Variants in RPAP3 observed in about 807,000 individuals in gnomAD.
The protein encoded by RPAP3 is RNA polymerase II-associated protein 3.
Under a neutral mutation model 88.8 loss-of-function variants are expected in RPAP3, and 58 were observed. That is an observed-to-expected ratio of 0.65 (90% CI 0.53 to 0.81). The LOEUF (loss-of-function observed/expected upper bound fraction) is 0.81. Ranked by LOEUF, RPAP3 falls within the 40% of genes least tolerant of loss-of-function variation. RPAP3 has a pLI of 0.00. For synonymous variants in RPAP3, 255 were observed against 259.9 expected, an observed-to-expected ratio of 0.98 and a Z score of 0.18; for missense variants, 751 against 764.3, an observed-to-expected ratio of 0.98 and a Z score of 0.20.
intron 1 of RPAP3, among the ~76,000 whole-genome samples, chr12:47,704,931 A>G (rs1939750688): frequency 6.6e-6 from 1 of 151,264 alleles, no homozygotes. Flanking sequence ...GAGGATCGGG[A>G]GATCGAGGCC....
At chr12:47,704,557 T>C (rs192174756) in intron 1 of RPAP3, among the ~76,000 whole-genome samples, 1,755 of 151,338 alleles carry the variant, frequency 0.012, 28 homozygotes, top group African/African-American at 0.041. Flanking sequence ...TTTTTTTTTT[T>C]AGTAGAGACG....
chr12:47,700,590 G>C (rs1319922001), intron 3 of RPAP3, among the ~76,000 whole-genome samples: 3 of 152,196 alleles, frequency 2.0e-5, no homozygotes, highest in African/African-American at 7.2e-5. Flanking sequence ...GTGCAGAATA[G>C]GGCTGGCCAA....
intron 12 of RPAP3, among the ~76,000 whole-genome samples, chr12:47,670,562 T>C (rs74670967): frequency 0.038 from 5,753 of 152,212 alleles, 182 homozygotes; most frequent in Non-Finnish European, 0.062. Flanking sequence ...GAGAGACATG[T>C]ATACGTAAAT....
chr12:47,701,507 C>A lies in RPAP3; in HGVS notation c.251G>T (p.Arg84Met). The A allele has an allele frequency of 6.2e-7, 1 of 1,602,632 alleles. No homozygotes were observed. The highest frequency in any genetic ancestry group is 8.5e-7 in the Non-Finnish European group (1 of 1,175,460). ...KKTREENTKNRIKSYDYEAWA... is the reference protein window; with the variant it reads ...KKTREENTKNMIKSYDYEAWA... ...TGCCTCATAATCATAAGATTTTATC[C>A]TGTTTTTTGTGTTTTCCTCTCTGGT... Residue 84 changes from arginine to methionine, a missense_variant, in exon 3 of 17, where the codon AGG becomes ATG. By Grantham distance (91) the Arg-to-Met change is moderately conservative. Transcript: ENST00000005386.
At chr12:47,697,815 A>ACAATTTACATTC in intron 3 of RPAP3, 96 bp from the exon 4 acceptor site, 1 of 1,135,288 alleles carries the variant, frequency 8.8e-7, no homozygotes, top group Non-Finnish European at 1.3e-6. Flanking sequence ...AATGAATGTA[A>ACAATTTACATTC]ATTGTTACAA....
intron 5 of RPAP3, among the ~76,000 whole-genome samples, chr12:47,692,306 T>G (rs1200051809): frequency 6.6e-6 from 1 of 152,238 alleles, no homozygotes; most frequent in African/African-American, 2.4e-5. Flanking sequence ...AGAAGGCTGT[T>G]TAGTCAACAC....
intron 1 of RPAP3, among the ~76,000 whole-genome samples, chr12:47,703,215 G>A (rs1288951434): frequency 6.6e-6 from 1 of 152,130 alleles, no homozygotes; most frequent in Non-Finnish European, 1.5e-5. Flanking sequence ...CTATGTGAAA[G>A]GCCCTGAATC....
chr12:47,687,924 T>C lies in RPAP3; in HGVS notation c.816A>G (p.Gln272=), dbSNP rs1939356240. Residue 272 remains glutamine (Q), a synonymous_variant, in exon 8 of 17, where the codon CAA becomes CAG. Transcript: ENST00000005386. ...GCTGCTTATTCTGTTGTGCTTCAATTTGCTTTCGCTCTCCTTCTGTTGACT... is the reference window on the plus strand; with the variant it reads ...GCTGCTTATTCTGTTGTGCTTCAATCTGCTTTCGCTCTCCTTCTGTTGACT... ...VIKSTEGERK[Q]IEAQQNKQQA... 1 of 1,613,768 alleles carries C rather than the reference T, an allele frequency of 6.2e-7. No homozygotes were observed. Among genetic ancestry groups the C allele is most frequent in the Non-Finnish European group, 8.5e-7 (1 of 1,179,786 alleles).
chr12:47,690,824 G>A (rs1375335493), intron 5 of RPAP3, among the ~76,000 whole-genome samples, 185 bp from the exon 6 acceptor site: 1 of 152,154 alleles, frequency 6.6e-6, no homozygotes, highest in East Asian at 1.9e-4. Context: ...AAGATATTGT[G>A]GGTTTGATTC....
rs905480866 is a variant in RPAP3, at chr12:47,662,458, C to A, written c.*1047G>T. 6.6e-6 allele frequency: 1 copy of A among 152,008 alleles called. No individual in the cohort carries two copies. Among genetic ancestry groups the A allele is most frequent in the East Asian group, 1.9e-4 (1 of 5,196 alleles). 9.4% of individuals were successfully genotyped at this position (152,008 alleles called of 1,614,324 possible). ...ATAAGAATAGTAATATGTATAATGGCAATAAAAATTAACCACAATATCGTA... is the reference window on the plus strand; with the variant it reads ...ATAAGAATAGTAATATGTATAATGGAAATAAAAATTAACCACAATATCGTA... On this transcript the variant is annotated 3_prime_UTR_variant, in exon 17 of 17. Coordinates refer to ENST00000005386, the MANE Select transcript of RPAP3 (RefSeq NM_024604.3).
At chr12:47,696,468 G>C (rs1939529770) in intron 4 of RPAP3, 65 bp from the exon 5 acceptor site, 1 of 1,231,572 alleles carries the variant, frequency 8.1e-7, no homozygotes, top group African/African-American at 1.6e-5. Context: ...GTTGACCCTT[G>C]AACGACCCAG....
chr12:47,692,927 T>C (rs952676622), intron 5 of RPAP3, among the ~76,000 whole-genome samples: 4 of 152,222 alleles, frequency 2.6e-5, no homozygotes, highest in African/African-American at 9.6e-5. Context: ...TCGCCCCGGC[T>C]GGAGTGCAGC....
At position 47,687,742 on chromosome 12, in the gene RPAP3, T is replaced by C. The variant is rs1321700578; in HGVS notation, c.864+134A>G. 7.2e-6 allele frequency: 7 copies of C among 976,702 alleles called. No individual in the cohort carries two copies. In the African/African-American group the frequency reaches 1.0e-4, roughly 14 times the overall value. The allele number at this position is 976,702 out of a possible 1,614,324, so 60.5% of individuals were successfully genotyped here. A position where few individuals can be genotyped will look rare whatever the true frequency, so the allele number is the denominator to read the frequency against. On this transcript the variant is annotated intron_variant, in intron 8 of 16. Coordinates refer to ENST00000005386, the MANE Select transcript of RPAP3 (RefSeq NM_024604.3). ...TTGAATTAGTAGGTCCCAGAGGCTT[T>C]AGTGCATTTAATTCCCAATTCCTAC...
chr12:47,688,267 G>T (rs964480372), intron 7 of RPAP3, among the ~76,000 whole-genome samples: 49 of 152,126 alleles, frequency 3.2e-4, no homozygotes, highest in African/African-American at 1.2e-3. Context: ...ATAAGTGGGA[G>T]GTAAACATTG....
chr12:47,705,552 G>C (rs572700352), intron 1 of RPAP3, among the ~76,000 whole-genome samples: 1 of 152,286 alleles, frequency 6.6e-6, no homozygotes, highest in Non-Finnish European at 1.5e-5. Context: ...GCGGGGGTGC[G>C]AGCCAGCAAT....
Position 47,663,292 on chromosome 12 carries a change from C to A in RPAP3, c.*213G>T, listed in dbSNP as rs113723252. 5.5e-5 allele frequency: 22 copies of A among 401,936 alleles called. 2 individuals are homozygous for A. Among genetic ancestry groups the A allele is most frequent in the African/African-American group, 2.5e-4 (12 of 47,854 alleles). 24.9% of individuals were successfully genotyped at this position (401,936 alleles called of 1,614,324 possible). A position where few individuals can be genotyped will look rare whatever the true frequency, so the allele number is the denominator to read the frequency against. ...AAAATGCTGATCCTTACAAATGTAT[C>A]TCATTGTTTATATTTTTATTTTCAG... is the stretch of plus-strand genomic sequence containing the variant. On this transcript the variant is annotated 3_prime_UTR_variant, in exon 17 of 17. Coordinates refer to ENST00000005386, the MANE Select transcript of RPAP3 (RefSeq NM_024604.3).
chr12:47,680,776 TG>T (rs570472499), intron 10 of RPAP3, among the ~76,000 whole-genome samples: 22 of 151,672 alleles, frequency 1.5e-4, no homozygotes, highest in Non-Finnish European at 2.8e-4. Context: ...AGAATTAAAA[TG>T]GTATCAGATC....
At chr12:47,699,524 C>G (rs1429980751) in intron 3 of RPAP3, 1 of 152,170 alleles carries the variant, frequency 6.6e-6, no homozygotes, top group Non-Finnish European at 1.5e-5. Flanking sequence ...AAAGTCCCAG[C>G]GCTCTTTTAA....
chr12:47,665,532 G>A (rs1938854290), intron 16 of RPAP3, among the ~76,000 whole-genome samples: 1 of 150,762 alleles, frequency 6.6e-6, no homozygotes, highest in Admixed American at 6.6e-5. Context: ...CATTTTTCAG[G>A]GATTTCAAGG....
Sources: gnomAD v4.1 joint callset for allele counts (sites outside exome capture counted in the v4.1 genomes callset) on GRCh38, gnomAD v4.1.1 for gene constraint, MANE v1.5 for transcripts, NCBI Gene and HGNC (gene_info 2026-07-23, HGNC 2026-07-21) for gene names.